Variants in PLCXD3 observed in about 807,000 individuals in gnomAD.
PLCXD3 encodes PI-PLC X domain-containing protein 3.
PLCXD3 carries 19 observed loss-of-function variants against 25.5 expected under a neutral mutation model. The ratio of observed to expected loss-of-function variants is 0.75; its 90% CI spans 0.52 to 1.09. PLCXD3 has a LOEUF of 1.09. Among genes scored for constraint, PLCXD3 ranks in the 50% least tolerant of loss-of-function variants. The probability of loss-of-function intolerance (pLI) is 0.00; values close to 1 mark genes in which losing one functional copy is unlikely to be tolerated. For synonymous variants in PLCXD3, 174 were observed against 137.6 expected (o/e 1.26, Z -1.85); for missense variants, 411 against 388.1 (o/e 1.06, Z -0.50).
intron 2 of PLCXD3, among the ~76,000 whole-genome samples, chr5:41,373,182 C>T (rs1294665170): frequency 2.0e-5 from 3 of 152,124 alleles, no homozygotes; most frequent in African/African-American, 4.8e-5. Flanking sequence ...ATCAATCCAT[C>T]CAACTTCCCC....
At chr5:41,496,433 A>G (rs1748837850) in intron 1 of PLCXD3, among the ~76,000 whole-genome samples, 1 of 152,128 alleles carries the variant, frequency 6.6e-6, no homozygotes, top group South Asian at 2.1e-4. Context: ...AAAATCAAAG[A>G]CAAAGAAGGA....
In PLCXD3 at chr5:41,431,223, T is replaced by G. The variant is rs147888782; in HGVS notation, c.104-48689A>C. On this transcript the variant is annotated intron_variant, in intron 1 of 2. Transcript: ENST00000377801. ...TAGATTTTGGATTATCGCTTAAAAT[T>G]TTGTTTAATTAAAAAGTGGTTATAG... Among the ~76,000 whole-genome samples, 709 of 152,318 alleles carry G rather than the reference T, an allele frequency of 4.7e-3. 9 individuals carry two copies. Among genetic ancestry groups the G allele is most frequent in the African/African-American group, 0.016 (674 of 41,568 alleles).
chr5:41,414,200 G>A (rs1422095394), intron 1 of PLCXD3, among the ~76,000 whole-genome samples: 1 of 147,434 alleles, frequency 6.8e-6, no homozygotes, highest in East Asian at 2.0e-4. Context: ...TGGGATGGGG[G>A]AAGAGAGGGA....
intron 2 of PLCXD3, among the ~76,000 whole-genome samples, chr5:41,374,513 T>C (rs75001402): frequency 6.6e-6 from 1 of 152,140 alleles, no homozygotes; most frequent in African/African-American, 2.4e-5. Context: ...ATAACACTTG[T>C]ACGAATGAAG....
chr5:41,468,867 ATTTC>A, intron 1 of PLCXD3, among the ~76,000 whole-genome samples: 1 of 152,060 alleles, frequency 6.6e-6, no homozygotes, highest in Non-Finnish European at 1.5e-5. Flanking sequence ...TATGACTTTT[ATTTC>A]TTTCTTTTGC....
At chr5:41,335,808 C>T (rs1421695759) in intron 2 of PLCXD3, among the ~76,000 whole-genome samples, 3 of 152,080 alleles carry the variant, frequency 2.0e-5, no homozygotes, top group African/African-American at 7.2e-5. Context: ...ACTTGAAATC[C>T]TACAGACAGA....
chr5:41,501,690 G>A (rs1487369228), intron 1 of PLCXD3, among the ~76,000 whole-genome samples: 2 of 151,438 alleles, frequency 1.3e-5, no homozygotes, highest in Non-Finnish European at 2.9e-5. Flanking sequence ...TCACGTTATG[G>A]ATGTCATAGT....
intron 1 of PLCXD3, among the ~76,000 whole-genome samples, chr5:41,473,885 C>A (rs1748226425): frequency 6.6e-6 from 1 of 152,198 alleles, no homozygotes; most frequent in Non-Finnish European, 1.5e-5. Context: ...TTCCCCTCCC[C>A]CATCCCCATC....
chr5:41,467,437 T>A (rs556390668), intron 1 of PLCXD3, among the ~76,000 whole-genome samples: 12 of 152,216 alleles, frequency 7.9e-5, no homozygotes, highest in African/African-American at 2.9e-4. Flanking sequence ...GAGTTTCTTA[T>A]TTTTTTGGAT....
chr5:41,494,316 T>A (rs1215806018), intron 1 of PLCXD3, among the ~76,000 whole-genome samples: 1 of 152,108 alleles, frequency 6.6e-6, no homozygotes, highest in African/African-American at 2.4e-5. Flanking sequence ...GGGTCAAAAA[T>A]GAGGGCAGGA....
chr5:41,507,911 G>T (rs1438150047), intron 1 of PLCXD3, among the ~76,000 whole-genome samples: 1 of 152,140 alleles, frequency 6.6e-6, no homozygotes, highest in East Asian at 1.9e-4. Flanking sequence ...AGTCTTCTCT[G>T]ACTATCAAAG....
chr5:41,492,494 T>A (rs1476136017), intron 1 of PLCXD3, among the ~76,000 whole-genome samples: 1 of 152,222 alleles, frequency 6.6e-6, no homozygotes, highest in Non-Finnish European at 1.5e-5. Context: ...CTTGCTAGAT[T>A]GGGGAAGTTC....
intron 2 of PLCXD3, among the ~76,000 whole-genome samples, chr5:41,372,280 T>C (rs927124749): frequency 4.8e-5 from 6 of 123,978 alleles, no homozygotes; most frequent in Non-Finnish European, 8.3e-5. Context: ...GTATTCATTC[T>C]CTCTCTCTCT....
rs200364866 is a variant in PLCXD3, at chr5:41,502,119, AG to A, written c.103+8304del. Among the ~76,000 whole-genome samples the A allele has an allele frequency of 3.7e-3, 566 of 152,250 alleles. 13 individuals carry two copies. The East Asian group carries it at 0.048, about 13-fold the overall frequency. On this transcript the variant is annotated intron_variant, in intron 1 of 2. Coordinates refer to ENST00000377801, the MANE Select transcript of PLCXD3 (RefSeq NM_001005473.3). ...GAAAGAGAGAGTGGATAAATTCAAA[AG>A]TAAGCTTTGAACAGATTTGAGTGGA...
chr5:41,322,257 A>G (rs1232636073), intron 2 of PLCXD3, among the ~76,000 whole-genome samples: 1 of 152,254 alleles, frequency 6.6e-6, no homozygotes, highest in Non-Finnish European at 1.5e-5. Context: ...TAATTAAAAG[A>G]TGGGCAAAAG....
At chr5:41,410,336 G>A (rs1561265117) in intron 1 of PLCXD3, among the ~76,000 whole-genome samples, 1 of 151,720 alleles carries the variant, frequency 6.6e-6, no homozygotes, top group Non-Finnish European at 1.5e-5. Flanking sequence ...GTAGAGATGG[G>A]GTTTCACCAT....
intron 1 of PLCXD3, among the ~76,000 whole-genome samples, chr5:41,400,901 C>T (rs1311673631): frequency 1.3e-5 from 2 of 151,998 alleles, no homozygotes; most frequent in African/African-American, 2.4e-5. Context: ...ATACCTCATT[C>T]TCTATGTTGT....
At chr5:41,444,057 C>G (rs1747444510) in intron 1 of PLCXD3, among the ~76,000 whole-genome samples, 1 of 151,838 alleles carries the variant, frequency 6.6e-6, no homozygotes, top group African/African-American at 2.4e-5. Flanking sequence ...TGTTTTTTTT[C>G]TCACCTCTAG....
At chr5:41,448,626 C>T (rs1321694986) in intron 1 of PLCXD3, among the ~76,000 whole-genome samples, 3 of 152,186 alleles carry the variant, frequency 2.0e-5, no homozygotes, top group Non-Finnish European at 4.4e-5. Context: ...CTCAATTCTC[C>T]TTTCTAACTT....
Sources: gnomAD v4.1 joint callset for allele counts (sites outside exome capture counted in the v4.1 genomes callset) on GRCh38, gnomAD v4.1.1 for gene constraint, MANE v1.5 for transcripts, NCBI Gene and HGNC (gene_info 2026-07-23, HGNC 2026-07-21) for gene names.